Variants in PDE4D observed in about 807,000 individuals in gnomAD.
PDE4D encodes 3',5'-cyclic-AMP phosphodiesterase 4D.
PDE4D carries 24 observed loss-of-function variants against 87.4 expected under a neutral mutation model. That is an observed-to-expected ratio of 0.27 (90% CI 0.20 to 0.39). PDE4D has a LOEUF of 0.39. PDE4D is among the 10% of genes least tolerant of loss of function. The pLI is 1.00. For synonymous variants in PDE4D, 384 were observed against 383.2 expected, an observed-to-expected ratio of 1.00 and a Z score of -0.02; for missense variants, 714 against 1,041.0, an observed-to-expected ratio of 0.69 and a Z score of 4.32.
intron 1 of PDE4D, among the ~76,000 whole-genome samples, chr5:59,442,440 C>A (rs1797774325): frequency 6.6e-6 from 1 of 152,130 alleles, no homozygotes; most frequent in South Asian, 2.1e-4. Flanking sequence ...GGTCTTTGAG[C>A]TCATTTTCCC....
chr5:59,326,898 T>C (rs1187803169), intron 1 of PDE4D, among the ~76,000 whole-genome samples: 2 of 152,150 alleles, frequency 1.3e-5, no homozygotes, highest in African/African-American at 4.8e-5. Context: ...ATTTCCCCAA[T>C]AGATTCCAAA....
chr5:60,182,837 G>A (rs1033307362), intron 2 of PDE4D, among the ~76,000 whole-genome samples: 1 of 151,140 alleles, frequency 6.6e-6, no homozygotes, highest in Admixed American at 6.6e-5. Context: ...CCGAGATCGC[G>A]CCACTGCGCT....
intron 1 of PDE4D, among the ~76,000 whole-genome samples, chr5:59,494,026 C>G (rs1582854890): frequency 6.6e-6 from 1 of 152,154 alleles, no homozygotes; most frequent in African/African-American, 2.4e-5. Flanking sequence ...ACAAAATGAG[C>G]TTTGGAAACT....
At chr5:59,384,001 G>T (rs611540) in intron 1 of PDE4D, among the ~76,000 whole-genome samples, 57,245 of 151,704 alleles carry the variant, frequency 0.38, 12,160 homozygotes, top group African/African-American at 0.58. Context: ...CAATCCTCCT[G>T]CCTCAGCTTT....
intron 1 of PDE4D, among the ~76,000 whole-genome samples, chr5:59,346,467 C>T (rs914171691): frequency 6.6e-6 from 1 of 151,846 alleles, no homozygotes; most frequent in Non-Finnish European, 1.5e-5. Flanking sequence ...CTAAAACAAA[C>T]AATAAGCCTT....
chr5:60,329,967 A>G (rs1448361787), intron 1 of PDE4D, among the ~76,000 whole-genome samples: 1 of 152,262 alleles, frequency 6.6e-6, no homozygotes, highest in Non-Finnish European at 1.5e-5. Context: ...AGCCTGTGTC[A>G]GTGAGCAAAC....
intron 1 of PDE4D, among the ~76,000 whole-genome samples, chr5:59,745,797 C>T (rs941750658): frequency 9.9e-5 from 15 of 152,070 alleles, no homozygotes; most frequent in Non-Finnish European, 1.5e-4. Context: ...GCTTGCAGGG[C>T]GCACTCCTAA....
chr5:60,491,894 A>G (rs532518301), upstream of PDE4D, among the ~76,000 whole-genome samples: 1 of 152,236 alleles, frequency 6.6e-6, no homozygotes, highest in African/African-American at 2.4e-5. Flanking sequence ...CACACACAGT[A>G]ACTACCTCCT....
rs1007425009 is a variant in PDE4D at position 59,494,740 on chromosome 5, G to T, written c.456-278772C>A. ...ATTCTAAATGTCTAGCAATAGACCTGAGGCACTTGCATTAAGACTTTGAAA... is the reference window on the plus strand; with the variant it reads ...ATTCTAAATGTCTAGCAATAGACCTTAGGCACTTGCATTAAGACTTTGAAA... On this transcript the variant is annotated intron_variant, in intron 1 of 14. Coordinates refer to ENST00000340635, the MANE Select transcript of PDE4D (RefSeq NM_001104631.2). 2.0e-5 allele frequency among the ~76,000 whole-genome samples: 3 copies of T among 152,276 alleles called. No individual in the cohort carries two copies. The East Asian group carries it at 5.8e-4, about 29-fold the overall frequency.
At chr5:59,366,310 TG>T (rs1162937927) in intron 1 of PDE4D, among the ~76,000 whole-genome samples, 1 of 152,220 alleles carries the variant, frequency 6.6e-6, no homozygotes, top group African/African-American at 2.4e-5. Context: ...AAAGACAATT[TG>T]TTTTTTTCTA....
intron 1 of PDE4D, among the ~76,000 whole-genome samples, chr5:59,732,492 G>A (rs1255490714): frequency 6.6e-6 from 1 of 151,720 alleles, no homozygotes; most frequent in Non-Finnish European, 1.5e-5. Flanking sequence ...TACCAAAGGG[G>A]CTTTGTTTTG....
At chr5:59,913,621 A>C (rs1310545582) in intron 3 of PDE4D, among the ~76,000 whole-genome samples, 1 of 152,202 alleles carries the variant, frequency 6.6e-6, no homozygotes, top group Non-Finnish European at 1.5e-5. Flanking sequence ...GTCATGGTAT[A>C]GTAAATATAG....
intron 1 of PDE4D, among the ~76,000 whole-genome samples, chr5:59,414,488 T>A (rs1474664199): frequency 6.6e-6 from 1 of 152,154 alleles, no homozygotes; most frequent in Non-Finnish European, 1.5e-5. Context: ...AGCCAAGGCA[T>A]GGAGACACAA....
At chr5:60,458,386 C>G in intron 1 of PDE4D, among the ~76,000 whole-genome samples, 1 of 75,186 alleles carries the variant, frequency 1.3e-5, no homozygotes, top group Non-Finnish European at 2.5e-5. Context: ...GACTTCATTG[C>G]AAAAAAAAAA....
chr5:60,073,413 A>T (rs1369535932), intron 2 of PDE4D, among the ~76,000 whole-genome samples: 1 of 151,226 alleles, frequency 6.6e-6, no homozygotes, highest in Non-Finnish European at 1.5e-5. Context: ...CATTTTGCTA[A>T]TATTTTGTTG....
chr5:60,468,137 C>CTTTTTTCTT (rs1747520789), intron 1 of PDE4D, among the ~76,000 whole-genome samples: 1 of 141,218 alleles, frequency 7.1e-6, no homozygotes, highest in Non-Finnish European at 1.5e-5. Flanking sequence ...TTTCTTTTTT[C>CTTTTTTCTT]TTTTTTTTTT....
chr5:59,000,272 G>A (rs1447250236), intron 6 of PDE4D, among the ~76,000 whole-genome samples: 2 of 152,170 alleles, frequency 1.3e-5, no homozygotes, highest in East Asian at 1.9e-4. Context: ...GAATTTTAAT[G>A]TCCTCTGGCT....
chr5:59,043,424 G>C lies in PDE4D; in HGVS notation c.809-4453C>G, dbSNP rs551017450. ...TGTAGTCCCAGCTACTCGGGAGGCTGAGGCAGGAGAATGGCGTGAACCCGG... is the reference window on the plus strand; with the variant it reads ...TGTAGTCCCAGCTACTCGGGAGGCTCAGGCAGGAGAATGGCGTGAACCCGG... On this transcript the variant is annotated intron_variant, in intron 5 of 14. Transcript: ENST00000340635. Among the ~76,000 whole-genome samples the C allele has an allele frequency of 3.9e-5, 6 of 152,272 alleles. No homozygotes were observed. The East Asian group carries it at 1.2e-3, about 29-fold the overall frequency.
At chr5:59,070,086 CA>C (rs1268907374) in intron 5 of PDE4D, among the ~76,000 whole-genome samples, 5 of 152,224 alleles carry the variant, frequency 3.3e-5, no homozygotes, top group African/African-American at 1.2e-4. Flanking sequence ...AGAAATATTA[CA>C]GCAATTTCTA....
Sources: gnomAD v4.1 joint callset for allele counts (sites outside exome capture counted in the v4.1 genomes callset) on GRCh38, gnomAD v4.1.1 for gene constraint, MANE v1.5 for transcripts, NCBI Gene and HGNC (gene_info 2026-07-23, HGNC 2026-07-21) for gene names.